RBFOX1: variants seen among roughly 807,000 people sequenced by gnomAD.
RBFOX1 encodes the protein RNA binding protein fox-1 homolog 1.
RBFOX1 carries 8 observed loss-of-function variants against 57.7 expected under a neutral mutation model. The observed-to-expected ratio is 0.14, with a 90% CI of 0.08 to 0.25. The LOEUF is 0.25. Among genes scored for constraint, RBFOX1 ranks in the 10% least tolerant of loss-of-function variants. RBFOX1 has a pLI of 1.00. For missense variants in RBFOX1, 611 were observed against 548.5 expected, an observed-to-expected ratio of 1.11 and a Z score of -1.14; for synonymous variants, 326 against 222.4, an observed-to-expected ratio of 1.47 and a Z score of -4.15.
chr16:6,944,443 C>T (rs1045958152), intron 3 of RBFOX1, among the ~76,000 whole-genome samples: 1 of 151,884 alleles, frequency 6.6e-6, no homozygotes, highest in Non-Finnish European at 1.5e-5. Context: ...AAGACCACAC[C>T]CTTGCTTGGC....
intron 4 of RBFOX1, among the ~76,000 whole-genome samples, chr16:5,902,799 G>T (rs761139245): frequency 6.6e-6 from 1 of 152,036 alleles, no homozygotes; most frequent in Non-Finnish European, 1.5e-5. Flanking sequence ...CGCCTTGTCT[G>T]GCCTGTAGTT....
At chr16:6,634,495 ATAT>A (rs1345997668) in intron 2 of RBFOX1, among the ~76,000 whole-genome samples, 2 of 149,550 alleles carry the variant, frequency 1.3e-5, no homozygotes, top group Admixed American at 6.7e-5. Context: ...TACTTATATA[ATAT>A]TATATCCATT....
intron 2 of RBFOX1, among the ~76,000 whole-genome samples, chr16:5,519,337 C>G (rs368959554): frequency 6.6e-6 from 1 of 152,158 alleles, no homozygotes; most frequent in Non-Finnish European, 1.5e-5. Flanking sequence ...CCTGACTAAC[C>G]TTCTCTGAGA....
intron 2 of RBFOX1, among the ~76,000 whole-genome samples, chr16:6,555,927 G>A (rs1008643522): frequency 6.6e-6 from 1 of 152,036 alleles, no homozygotes; most frequent in Admixed American, 6.6e-5. Context: ...ATAGGCATTC[G>A]GAATATAGGA....
intron 2 of RBFOX1, among the ~76,000 whole-genome samples, chr16:5,563,238 C>T (rs1460690920): frequency 6.6e-6 from 1 of 152,162 alleles, no homozygotes; most frequent in East Asian, 1.9e-4. Context: ...CGTGAGCCAC[C>T]GCGCCCAGCT....
At chr16:5,572,699 C>T (rs2046322474) in intron 2 of RBFOX1, among the ~76,000 whole-genome samples, 1 of 152,078 alleles carries the variant, frequency 6.6e-6, no homozygotes, top group Admixed American at 6.5e-5. Context: ...TAGGGTTGGC[C>T]ATTTTACAAA....
At chr16:7,309,174 A>AT (rs1440784164) in intron 4 of RBFOX1, among the ~76,000 whole-genome samples, 1 of 152,194 alleles carries the variant, frequency 6.6e-6, no homozygotes, top group Admixed American at 6.5e-5. Context: ...TACGTCGTAA[A>AT]TTGGTTAACC....
chr16:7,124,561 C>CCCTTCCTT (rs1202629320), intron 4 of RBFOX1, among the ~76,000 whole-genome samples: 4 of 129,152 alleles, frequency 3.1e-5, no homozygotes, highest in African/African-American at 1.2e-4. Context: ...CTCCCTCCCT[C>CCCTTCCTT]CCTTCCTTCC....
intron 2 of RBFOX1, among the ~76,000 whole-genome samples, chr16:6,607,448 C>T (rs540827664): frequency 2.0e-5 from 3 of 148,950 alleles, no homozygotes; most frequent in Non-Finnish European, 3.0e-5. Context: ...CTCTCTATCT[C>T]TCTTCCTCTC....
intron 3 of RBFOX1, among the ~76,000 whole-genome samples, chr16:7,025,195 C>T (rs1482607943): frequency 1.3e-5 from 2 of 152,134 alleles, no homozygotes; most frequent in South Asian, 4.1e-4. Context: ...TGATGATATG[C>T]TAAACAAGGG....
rs1056541327 is a variant in RBFOX1 at position 6,977,453 on chromosome 16, G to C, written c.-15-74604G>C. Among the ~76,000 whole-genome samples, 5 of 152,016 alleles carry C rather than the reference G, an allele frequency of 3.3e-5. No homozygotes were observed. In the South Asian group the frequency reaches 1.0e-3, roughly 32 times the overall value. On this transcript the variant is annotated intron_variant, in intron 3 of 15. Coordinates refer to ENST00000550418, the MANE Select transcript of RBFOX1 (RefSeq NM_018723.4). ...GTTCCCTTAACCATACACATCTAGA[G>C]GCCAGGAATGCCTGACTTCCTGAGA...
intron 2 of RBFOX1, among the ~76,000 whole-genome samples, chr16:6,475,287 T>A (rs1386175760): frequency 1.3e-5 from 2 of 152,212 alleles, no homozygotes; most frequent in Non-Finnish European, 1.5e-5. Flanking sequence ...CTGTCAGCAG[T>A]GTGCTTGATT....
At chr16:6,484,717 C>T (rs1030045311) in intron 2 of RBFOX1, among the ~76,000 whole-genome samples, 1 of 152,088 alleles carries the variant, frequency 6.6e-6, no homozygotes. Context: ...CACCTTCCTA[C>T]TTAAGAGGGC....
intron 4 of RBFOX1, among the ~76,000 whole-genome samples, chr16:7,419,694 C>A (rs1237866488): frequency 6.6e-6 from 1 of 152,178 alleles, no homozygotes; most frequent in African/African-American, 2.4e-5. Flanking sequence ...TCCCGACCCT[C>A]CAGTAGTTCC....
intron 3 of RBFOX1, among the ~76,000 whole-genome samples, chr16:6,855,221 A>T (rs967802342): frequency 6.6e-6 from 1 of 152,122 alleles, no homozygotes; most frequent in African/African-American, 2.4e-5. Flanking sequence ...AATGATAAGC[A>T]TGCAGTGAAC....
At chr16:7,346,100 A>T (rs2145627254) in intron 4 of RBFOX1, among the ~76,000 whole-genome samples, 1 of 152,232 alleles carries the variant, frequency 6.6e-6, no homozygotes, top group African/African-American at 2.4e-5. Flanking sequence ...TCCTTGCGAT[A>T]GTTTGCTGAG....
At chr16:6,547,663 G>A (rs902441333) in intron 2 of RBFOX1, among the ~76,000 whole-genome samples, 7 of 152,046 alleles carry the variant, frequency 4.6e-5, no homozygotes, top group East Asian at 1.9e-4. Context: ...AAATGTGATC[G>A]CTTTTTGAGG....
intron 11 of RBFOX1, among the ~76,000 whole-genome samples, chr16:7,650,252 T>C (rs1008602839): frequency 6.6e-6 from 1 of 151,674 alleles, no homozygotes. Flanking sequence ...CCCAGGACAC[T>C]TGAATCCTCC....
chr16:7,231,343 C>G (rs1423331628), intron 4 of RBFOX1, among the ~76,000 whole-genome samples: 1 of 152,108 alleles, frequency 6.6e-6, no homozygotes. Flanking sequence ...CTATCGTTCA[C>G]GTGACTAAAC....
Sources: allele counts gnomAD v4.1 joint callset (sites outside exome capture counted in the v4.1 genomes callset), GRCh38; gene constraint gnomAD v4.1.1; transcripts MANE v1.5; gene names NCBI Gene and HGNC (gene_info 2026-07-23, HGNC 2026-07-21).